The following FRY variants were observed in gnomAD, a reference collection of about 807,000 sequenced individuals.
FRY encodes the protein FRY microtubule binding protein, also known as protein furry homolog.
Under a neutral mutation model 348.4 loss-of-function variants are expected in FRY, and 128 were observed. The observed-to-expected ratio is 0.37, with a 90% confidence interval of 0.32 to 0.43. The LOEUF is 0.43. Among genes scored for constraint, FRY ranks in the 20% least tolerant of loss-of-function variants. The pLI, the probability that FRY is intolerant of heterozygous loss-of-function variation, is 1.00. For synonymous variants in FRY, 1,370 were observed against 1,374.7 expected (o/e 1.00, Z 0.08); for missense variants, 2,736 against 3,695.2 (o/e 0.74, Z 6.73).
chr13:32,160,100 G>C (rs1238993041), intron 16 of FRY, among the ~76,000 whole-genome samples: 1 of 152,164 alleles, frequency 6.6e-6, no homozygotes, highest in African/African-American at 2.4e-5. Context: ...ACAATAAAAG[G>C]TAATGTCACA....
In FRY at chr13:32,279,151, A is replaced by C. The variant is rs531750384; in HGVS notation, c.8469+603A>C. ...TGTCAGCGAGACAGACATTAATGAA[A>C]CAGTCATACAGCTATTAACTGCAAC... On this transcript the variant is annotated intron_variant, in intron 58 of 60. Transcript: ENST00000542859. 5.6e-4 allele frequency among the ~76,000 whole-genome samples: 86 copies of C among 152,340 alleles called. 2 individuals are homozygous for C. The South Asian group carries it at 0.017, about 30-fold the overall frequency.
intron 59 of FRY, among the ~76,000 whole-genome samples, chr13:32,291,693 G>A (rs141082961): frequency 2.0e-5 from 3 of 152,156 alleles, no homozygotes; most frequent in East Asian, 1.9e-4. Context: ...ACCGTGCCCC[G>A]CCAGGATTCA....
rs139189619 is a variant in FRY, at chr13:32,239,833, T to G, written c.6639T>G (p.His2213Gln). The G allele has an allele frequency of 1.2e-6, 2 of 1,614,156 alleles. No individual in the cohort carries two copies. The highest frequency in any genetic ancestry group is 1.7e-5 in the Admixed American group (1 of 60,024). ...TCAATGTGGTCTGTCGATACCTTCA[T>G]GAAGCATATGCTGACATTACCTTGA... ...TWVNVVCRYL[H>Q]EAYADITLNM... Residue 2213 changes from histidine to glutamine, a missense_variant, in exon 46 of 61, where the codon CAT becomes CAG. Transcript: ENST00000542859. This position sits in a 1 kb window ranked among gnomAD's most constrained non-coding sequence, Gnocchi z 4.3.
At chr13:32,216,507 C>A (rs960245996) in intron 35 of FRY, among the ~76,000 whole-genome samples, 9 of 152,202 alleles carry the variant, frequency 5.9e-5, no homozygotes, top group African/African-American at 1.9e-4. Context: ...CGGGTGCAGG[C>A]CCTCCAGGGC....
At chr13:32,073,291 A>G (rs1874792379) in intron 1 of FRY, among the ~76,000 whole-genome samples, 1 of 152,176 alleles carries the variant, frequency 6.6e-6, no homozygotes, top group Non-Finnish European at 1.5e-5. Context: ...TGGCACACAG[A>G]TATGGGGCAG....
intron 59 of FRY, among the ~76,000 whole-genome samples, chr13:32,293,670 C>G (rs747076442): frequency 3.3e-5 from 5 of 152,202 alleles, no homozygotes; most frequent in Non-Finnish European, 7.3e-5. Context: ...CTTTTTAACA[C>G]TCTGGATCCT....
intron 3 of FRY, among the ~76,000 whole-genome samples, chr13:32,108,894 A>G (rs763205612): frequency 6.7e-4 from 102 of 152,340 alleles, no homozygotes; most frequent in Admixed American, 1.7e-3. Context: ...GAAGTTAAAA[A>G]AGAGATCAGG....
chr13:32,285,415 G>A (rs894377322), intron 58 of FRY, among the ~76,000 whole-genome samples: 3 of 152,128 alleles, frequency 2.0e-5, no homozygotes, highest in African/African-American at 7.2e-5. Context: ...AAAAAGGAAC[G>A]TTTAGGAAGA....
rs754542767 is a variant in FRY at position 32,147,849 on chromosome 13, A to T, written c.1294A>T (p.Thr432Ser). 3.1e-6 allele frequency: 5 copies of T among 1,596,796 alleles called. No homozygotes were observed. In the Admixed American group the frequency reaches 8.3e-5, roughly 27 times the overall value. ...SNTATQSRLI[T>S]IITTLFPKGS... ...CCCCTTATCTTTCAGCCGACTTATA[A>T]CCATCATCACAACACTTTTCCCCAA... Residue 432 changes from threonine to serine, a missense_variant, in exon 13 of 61, where the codon ACC becomes TCC. Thr to Ser is a moderately conservative substitution (Grantham distance 58). Transcript: ENST00000542859.
intron 41 of FRY, among the ~76,000 whole-genome samples, chr13:32,233,844 A>G (rs906586238): frequency 6.6e-6 from 1 of 152,266 alleles, no homozygotes; most frequent in East Asian, 1.9e-4. Flanking sequence ...ACTGTACGAG[A>G]CAAGTTAAAG....
At position 32,128,336 on chromosome 13, in the gene FRY, T is replaced by A. The variant is rs544155780; in HGVS notation, c.717-3336T>A. Among the ~76,000 whole-genome samples the A allele has an allele frequency of 1.2e-3, 176 of 152,260 alleles. 1 individual carries two copies. The highest frequency in any genetic ancestry group is 4.0e-3 in the African/African-American group (168 of 41,558). ...GATTGACTATTCACCAAATAGTCAG[T>A]GTGAAATATAAGAAAGTGATGGAAC... On this transcript the variant is annotated intron_variant, in intron 7 of 60. Coordinates refer to ENST00000542859, the MANE Select transcript of FRY (RefSeq NM_023037.3).
rs181395312 is a variant in FRY at position 32,222,910 on chromosome 13, G to A, written c.4766-1325G>A. Among the ~76,000 whole-genome samples, 15 of 152,304 alleles carry A rather than the reference G, an allele frequency of 9.8e-5. No individual in the cohort carries two copies. In the East Asian group the frequency reaches 2.5e-3, roughly 25 times the overall value. ...GGGTATGGGATATGAGGGGAAAGTC[G>A]GGGATGACTTTAAGTCTCTTGTCCT... On this transcript the variant is annotated intron_variant, in intron 36 of 60. Coordinates refer to ENST00000542859, the MANE Select transcript of FRY (RefSeq NM_023037.3).
chr13:32,209,156 G>C (rs1343416614), intron 32 of FRY, 47 bp downstream of exon 32: 1 of 1,609,982 alleles, frequency 6.2e-7, no homozygotes, highest in Non-Finnish European at 8.5e-7. Flanking sequence ...TCCATCATCA[G>C]AAAAAAACCC....
At chr13:32,292,775 A>T (rs1007319009) in intron 59 of FRY, among the ~76,000 whole-genome samples, 22 of 149,248 alleles carry the variant, frequency 1.5e-4, no homozygotes, top group Non-Finnish European at 3.0e-5. Context: ...CTGGTGACAG[A>T]GCAAGACTCC....
At chr13:32,249,790 C>T in intron 49 of FRY, 103 bp downstream of exon 49, 1 of 1,032,874 alleles carries the variant, frequency 9.7e-7, no homozygotes, top group South Asian at 1.4e-5. Context: ...CAAGGTTGCC[C>T]ATATAGGTCT....
intron 31 of FRY, among the ~76,000 whole-genome samples, chr13:32,207,863 T>A (rs1439626003): frequency 6.6e-6 from 1 of 152,234 alleles, no homozygotes; most frequent in East Asian, 1.9e-4. Flanking sequence ...GAGATTGCAT[T>A]GCCACACTGG....
rs149836707 is a variant in FRY, at chr13:32,249,507, C to T, written c.7009-19C>T. 4.0e-3 allele frequency: 6,456 copies of T among 1,613,418 alleles called. 43 individuals are homozygous for T. The highest frequency in any genetic ancestry group is 0.021 in the South Asian group (1,929 of 91,006). ...AAAACCATTGAGACAGAATAATGTG[C>T]GTTTGTCTTCTTCTCAAGACTCCAA... On this transcript the variant is annotated intron_variant, in intron 48 of 60. Transcript: ENST00000542859.
Position 32,262,452 on chromosome 13 carries a change from C to A in FRY, c.7756C>A (p.Leu2586Met). 6.2e-7 allele frequency: 1 copy of A among 1,613,350 alleles called. No individual in the cohort carries two copies. The highest frequency in any genetic ancestry group is 8.5e-7 in the Non-Finnish European group (1 of 1,179,330). The change falls in exon 53 of 61, where the codon CTG (leucine) becomes ATG (methionine). Residue 2586 changes from leucine to methionine, a missense_variant. By Grantham distance (15) the Leu-to-Met change is conservative. Coordinates refer to ENST00000542859, the MANE Select transcript of FRY (RefSeq NM_023037.3). ...TGCTTCCTTGCCTGATATGAATAAT[C>A]TGCAGATTTCTGAGGGTTCAAAGGT... is the stretch of plus-strand genomic sequence containing the variant. Reference protein sequence around the residue: ...FDASLPDMNNLQISEGSKAEA... With the variant: ...FDASLPDMNNMQISEGSKAEA...
intron 59 of FRY, among the ~76,000 whole-genome samples, chr13:32,293,820 A>T (rs1160198948): frequency 2.6e-5 from 4 of 152,230 alleles, no homozygotes; most frequent in African/African-American, 9.6e-5. Context: ...AGAAAAACTT[A>T]TTATTAGGAC....
Sources: gnomAD v4.1 joint callset for allele counts (sites outside exome capture counted in the v4.1 genomes callset) on GRCh38, gnomAD v4.1.1 for gene constraint, Gnocchi (gnomAD v3.1) non-coding constraint, MANE v1.5 for transcripts, NCBI Gene and HGNC (gene_info 2026-07-23, HGNC 2026-07-21) for gene names.